The following GSG1L variants were observed in gnomAD, a reference collection of about 807,000 sequenced individuals.
GSG1L encodes the protein GSG1 like, also known as germ cell-specific gene 1-like protein.
Under a neutral mutation model 42.1 loss-of-function variants are expected in GSG1L, and 24 were observed. The ratio of observed to expected loss-of-function variants is 0.57; its 90% CI spans 0.41 to 0.80. The LOEUF (loss-of-function observed/expected upper bound fraction) is 0.80. GSG1L is among the 30% of genes least tolerant of loss of function. The pLI, the probability that GSG1L is intolerant of heterozygous loss-of-function variation, is 0.00. For synonymous variants in GSG1L, 215 were observed against 203.5 expected, an observed-to-expected ratio of 1.06 and a Z score of -0.48; for missense variants, 445 against 472.2, an observed-to-expected ratio of 0.94 and a Z score of 0.53.
intron 3 of GSG1L, among the ~76,000 whole-genome samples, chr16:27,849,269 G>C (rs1045139442): frequency 6.6e-6 from 1 of 151,830 alleles, no homozygotes; most frequent in African/African-American, 2.4e-5. Flanking sequence ...CAGAAAGGCA[G>C]GCAGGAGCAG....
At chr16:27,940,380 GCT>G (rs2084775454) in intron 2 of GSG1L, among the ~76,000 whole-genome samples, 1 of 145,130 alleles carries the variant, frequency 6.9e-6, no homozygotes, top group East Asian at 2.0e-4. Context: ...TATAAATCAT[GCT>G]GCTATAAAGA....
intron 1 of GSG1L, among the ~76,000 whole-genome samples, chr16:27,974,472 G>A (rs2085229774): frequency 6.6e-6 from 1 of 152,148 alleles, no homozygotes; most frequent in African/African-American, 2.4e-5. Flanking sequence ...CTCAAAAACT[G>A]GAGATTGAAT....
At chr16:27,891,917 G>A (rs1447800429) in intron 2 of GSG1L, among the ~76,000 whole-genome samples, 2 of 109,586 alleles carry the variant, frequency 1.8e-5, no homozygotes, top group Admixed American at 1.2e-4. Context: ...TTAATGCAAG[G>A]GACTCTGATT....
intron 6 of GSG1L, among the ~76,000 whole-genome samples, chr16:27,802,985 G>A (rs896853505): frequency 1.3e-5 from 2 of 151,744 alleles, no homozygotes; most frequent in Admixed American, 6.6e-5. Context: ...GCTCCCCTCC[G>A]TTGATCTGGC....
intron 1 of GSG1L, among the ~76,000 whole-genome samples, chr16:28,041,414 T>C (rs1390151517): frequency 6.6e-6 from 1 of 151,644 alleles, no homozygotes; most frequent in African/African-American, 2.4e-5. Flanking sequence ...ATCACACCAC[T>C]GCACTCCAGC....
intron 2 of GSG1L, among the ~76,000 whole-genome samples, chr16:27,926,249 T>C (rs923856936): frequency 6.6e-6 from 1 of 152,154 alleles, no homozygotes; most frequent in East Asian, 1.9e-4. Flanking sequence ...GGAGGGATTA[T>C]CCATTTATTA....
In GSG1L at chr16:27,844,996, G is replaced by T. The variant is rs1194124365; in HGVS notation, c.616C>A (p.Pro206Thr). ...CAGGAATGGGGTCTCCAGTCCTCAG[G>T]ACCGAGGCTCACGGTGACCTGGAAC... ...QVFQVTVSLG[P>T]EDWRPHSWDY... Residue 206 changes from proline (P) to threonine (T), a missense_variant, in exon 4 of 7, where the codon CCT (proline) becomes ACT (threonine). Pro to Thr is a conservative substitution (Grantham distance 38). Coordinates refer to ENST00000447459, the MANE Select transcript of GSG1L (RefSeq NM_001109763.2). 1 of 1,613,736 alleles carries T rather than the reference G, an allele frequency of 6.2e-7. No individual in the cohort carries two copies.
At chr16:27,849,247 G>A (rs1371993114) in intron 3 of GSG1L, among the ~76,000 whole-genome samples, 1 of 150,904 alleles carries the variant, frequency 6.6e-6, no homozygotes, top group Non-Finnish European at 1.5e-5. Context: ...GGAGGGATGT[G>A]TCAGATGGAG....
At chr16:27,927,961 G>A (rs1002474971) in intron 2 of GSG1L, among the ~76,000 whole-genome samples, 4 of 152,142 alleles carry the variant, frequency 2.6e-5, no homozygotes, top group African/African-American at 9.7e-5. Context: ...ACACAGTGGA[G>A]GATTCGTGCT....
At chr16:28,032,801 C>T (rs1405197068) in intron 1 of GSG1L, among the ~76,000 whole-genome samples, 1 of 152,164 alleles carries the variant, frequency 6.6e-6, no homozygotes, top group Non-Finnish European at 1.5e-5. Flanking sequence ...ATTGGCTCTT[C>T]CTTCAAACAA....
chr16:27,794,274 TC>T (rs2082791867), intron 6 of GSG1L, among the ~76,000 whole-genome samples: 1 of 151,970 alleles, frequency 6.6e-6, no homozygotes, highest in African/African-American at 2.4e-5. Flanking sequence ...CGCCTCAGCC[TC>T]CCAAAGCCCT....
chr16:27,798,373 G>A (rs2082844830), intron 6 of GSG1L, among the ~76,000 whole-genome samples: 1 of 152,132 alleles, frequency 6.6e-6, no homozygotes, highest in African/African-American at 2.4e-5. Flanking sequence ...CAATTCCACT[G>A]GTAGGGTTGG....
rs1596710993 is a variant in GSG1L at position 28,025,752 on chromosome 16, C to T, written c.349+37324G>A. Among the ~76,000 whole-genome samples the T allele has an allele frequency of 2.6e-5, 4 of 152,320 alleles. No homozygotes were observed. The East Asian group carries it at 7.7e-4, about 29-fold the overall frequency. On this transcript the variant is annotated intron_variant, in intron 1 of 6. Transcript: ENST00000447459. ...CCTGCCTGTTCTTTTATAATTGGGA[C>T]TGGCAAGGTCTGAAGTCAGAACAGT...
In GSG1L at chr16:27,979,207, C is replaced by T. The variant is rs529848158; in HGVS notation, c.350-16004G>A. 2.0e-4 allele frequency among the ~76,000 whole-genome samples: 30 copies of T among 152,074 alleles called. 1 individual carries two copies. The highest frequency in any genetic ancestry group is 7.2e-5 in the African/African-American group (3 of 41,474). On this transcript the variant is annotated intron_variant, in intron 1 of 6. Transcript: ENST00000447459. ...CTCATGCTTGTAGTCCCAGCTACTA[C>T]AGAGGCTGAGACAGGAGACTCACTT...
rs1446839335 is a variant in GSG1L, at chr16:27,888,472, C to G, written c.398-3834G>C. 6.5e-5 allele frequency among the ~76,000 whole-genome samples: 4 copies of G among 61,770 alleles called. 2 individuals carry two copies. The highest frequency in any genetic ancestry group is 2.0e-4 in the African/African-American group (4 of 20,336). The allele number at this position is 61,770 out of a possible 152,430, so 40.5% of individuals were successfully genotyped here. The stretch of plus-strand genomic sequence containing the variant: ...TCTTTCTTTCTTTCTTTCTCTCTCT[C>G]TCTCTCTTTCCTTTCTTTCTTTCTT... On this transcript the variant is annotated intron_variant, in intron 2 of 6. Transcript: ENST00000447459.
chr16:27,803,807 A>AGATATG (rs2082918497), intron 6 of GSG1L, among the ~76,000 whole-genome samples: 1 of 140,826 alleles, frequency 7.1e-6, no homozygotes, highest in African/African-American at 2.7e-5. Context: ...ATAGATAGAT[A>AGATATG]TAGATATAGA....
intron 1 of GSG1L, among the ~76,000 whole-genome samples, chr16:28,005,824 G>T (rs1220427713): frequency 1.3e-5 from 2 of 152,114 alleles, no homozygotes; most frequent in African/African-American, 4.8e-5. Context: ...GTTATTATTG[G>T]GTGCATTTCG....
chr16:27,836,488 G>T (rs1467488697), intron 4 of GSG1L, among the ~76,000 whole-genome samples: 1 of 152,010 alleles, frequency 6.6e-6, no homozygotes, highest in South Asian at 2.1e-4. Context: ...TGGGACTCCA[G>T]TGTTATATTT....
chr16:27,832,886 T>C (rs2083287737), intron 4 of GSG1L, among the ~76,000 whole-genome samples: 1 of 152,212 alleles, frequency 6.6e-6, no homozygotes, highest in South Asian at 2.1e-4. Context: ...AGAAATGTGG[T>C]TTACAAATAT....
Sources: gnomAD v4.1 joint callset for allele counts (sites outside exome capture counted in the v4.1 genomes callset) on GRCh38, gnomAD v4.1.1 for gene constraint, MANE v1.5 for transcripts, NCBI Gene and HGNC (gene_info 2026-07-23, HGNC 2026-07-21) for gene names.